DIS3L2: variants seen among roughly 807,000 people sequenced by gnomAD.
DIS3L2 encodes the protein DIS3-like exonuclease 2.
A neutral mutation model predicts 97.5 loss-of-function variants in DIS3L2; 34 were observed. The ratio of observed to expected loss-of-function variants is 0.35; its 90% CI spans 0.27 to 0.46. DIS3L2 has a LOEUF of 0.46. Ranked by LOEUF, DIS3L2 falls within the 20% of genes least tolerant of loss-of-function variation. DIS3L2 has a pLI of 1.00. For missense variants in DIS3L2, 1,038 were observed against 1,146.0 expected (o/e 0.91, Z 1.36); for synonymous variants, 435 against 445.2 (o/e 0.98, Z 0.29).
At chr2:232,015,099 G>A (rs937323761) in intron 2 of DIS3L2, 120 bp downstream of exon 2, 1 of 923,512 alleles carries the variant, frequency 1.1e-6, no homozygotes, top group African/African-American at 1.7e-5. Flanking sequence ...TTAGTGACCT[G>A]TTAAGTATTC....
intron 5 of DIS3L2, among the ~76,000 whole-genome samples, chr2:232,040,355 T>C (rs997465881): frequency 6.6e-6 from 1 of 152,120 alleles, no homozygotes; most frequent in African/African-American, 2.4e-5. Context: ...GGCTCCTAAC[T>C]CTTCTGAGGA....
chr2:232,209,805 AT>A (rs552320538), intron 9 of DIS3L2, among the ~76,000 whole-genome samples: 74 of 152,326 alleles, frequency 4.9e-4, no homozygotes, highest in Non-Finnish European at 9.3e-4. Flanking sequence ...TGTACTTGGT[AT>A]GAGCTTGGTT....
At chr2:232,287,624 C>G (rs1309263361) in intron 13 of DIS3L2, among the ~76,000 whole-genome samples, 2 of 152,004 alleles carry the variant, frequency 1.3e-5, no homozygotes, top group African/African-American at 2.4e-5. Context: ...AACTCATAGC[C>G]TCCAGCAGTC....
chr2:232,058,901 TG>T (rs1175953202), intron 5 of DIS3L2, among the ~76,000 whole-genome samples: 1 of 152,244 alleles, frequency 6.6e-6, no homozygotes, highest in Non-Finnish European at 1.5e-5. Flanking sequence ...TAAACATGTT[TG>T]ATTCATAAAG....
intron 1 of DIS3L2, among the ~76,000 whole-genome samples, chr2:231,976,793 A>C (rs1021944321): frequency 1.5e-5 from 2 of 137,866 alleles, no homozygotes; most frequent in African/African-American, 5.6e-5. Context: ...TTTGAGACAG[A>C]GTCTCGCTCT....
At chr2:232,001,910 A>G (rs11693017) in intron 1 of DIS3L2, among the ~76,000 whole-genome samples, 2,404 of 151,786 alleles carry the variant, frequency 0.016, 28 homozygotes, top group African/African-American at 0.018. Context: ...AGTAGACAAC[A>G]GGGTTTCACC....
At chr2:232,069,023 G>C (rs1000313135) in intron 5 of DIS3L2, among the ~76,000 whole-genome samples, 1 of 151,846 alleles carries the variant, frequency 6.6e-6, no homozygotes, top group African/African-American at 2.4e-5. Context: ...CACCATATTG[G>C]CCAGGCTAGT....
At chr2:232,143,340 A>G (rs1213168584) in intron 8 of DIS3L2, among the ~76,000 whole-genome samples, 2 of 152,136 alleles carry the variant, frequency 1.3e-5, no homozygotes, top group Non-Finnish European at 2.9e-5. Flanking sequence ...GATTAATTTT[A>G]CAGTAGGACT....
In DIS3L2 at chr2:232,315,229, G is replaced by A. The variant is rs144712071; in HGVS notation, c.1740-14584G>A. Reference sequence around the variant, plus strand: ...CAGCCCTCCCCACCCCCATACCGGTGTGCTGGCCCAGACCCAGGGCATATT... The same window carrying A: ...CAGCCCTCCCCACCCCCATACCGGTATGCTGGCCCAGACCCAGGGCATATT... On this transcript the variant is annotated intron_variant, in intron 14 of 20. Transcript: ENST00000325385. 8.5e-3 allele frequency among the ~76,000 whole-genome samples: 1,292 copies of A among 152,288 alleles called. 26 individuals carry two copies. The highest frequency in any genetic ancestry group is 0.03 in the African/African-American group (1,245 of 41,556).
rs774192220 is a variant in DIS3L2, at chr2:232,329,842, A to G, written c.1769A>G (p.Asn590Ser). The G allele has an allele frequency of 1.5e-6, 2 of 1,354,740 alleles. No homozygotes were observed. The highest frequency in any genetic ancestry group is 2.0e-6 in the Non-Finnish European group (2 of 1,019,420). 83.9% of individuals were successfully genotyped at this position (1,354,740 alleles called of 1,614,324 possible). The change falls in exon 15 of 21, where the codon AAC (asparagine) becomes AGC (serine). Residue 590 changes from asparagine (N) to serine (S), a missense_variant. Asn to Ser is a conservative substitution (Grantham distance 46). Coordinates refer to ENST00000325385, the MANE Select transcript of DIS3L2 (RefSeq NM_152383.5). ...KLVEEFMLLA[N>S]MAVAHKIHRA... Reference sequence around the variant, plus strand: ...GTGGAGGAGTTCATGCTCTTGGCCAACATGGCAGTGGCCCACAAGATCCAC... The same window carrying G: ...GTGGAGGAGTTCATGCTCTTGGCCAGCATGGCAGTGGCCCACAAGATCCAC...
chr2:232,341,269 C>A (rs1016220397), downstream of DIS3L2, among the ~76,000 whole-genome samples: 43 of 152,228 alleles, frequency 2.8e-4, 1 homozygote, highest in Admixed American at 9.2e-4. Flanking sequence ...GGGAGCAGCT[C>A]AGCCCCAGGT....
intron 5 of DIS3L2, among the ~76,000 whole-genome samples, chr2:232,054,671 T>C (rs890152647): frequency 6.6e-6 from 1 of 152,208 alleles, no homozygotes; most frequent in Non-Finnish European, 1.5e-5. Context: ...CAAATGGCTT[T>C]ACAAGTGAAT....
chr2:232,006,673 T>A (rs1044461661), intron 1 of DIS3L2, among the ~76,000 whole-genome samples: 1 of 151,822 alleles, frequency 6.6e-6, no homozygotes, highest in African/African-American at 2.4e-5. Flanking sequence ...AGAAGTGAGA[T>A]GAGGTATAAG....
chr2:232,009,184 A>G (rs1052793448), intron 1 of DIS3L2, among the ~76,000 whole-genome samples: 1 of 152,118 alleles, frequency 6.6e-6, no homozygotes, highest in Non-Finnish European at 1.5e-5. Context: ...TTGAAGTCCT[A>G]TTGTCTAACT....
chr2:232,091,951 C>T (rs756024410), intron 6 of DIS3L2, among the ~76,000 whole-genome samples: 5 of 152,066 alleles, frequency 3.3e-5, no homozygotes, highest in Admixed American at 6.5e-5. Context: ...CTGTCTTCCT[C>T]GCTCAAGAAG....
chr2:232,229,665 C>T (rs1450370579), intron 10 of DIS3L2, among the ~76,000 whole-genome samples: 2 of 152,204 alleles, frequency 1.3e-5, no homozygotes, highest in East Asian at 1.9e-4. Flanking sequence ...ACATGCTGTT[C>T]ATATAAATTT....
intron 4 of DIS3L2, among the ~76,000 whole-genome samples, chr2:232,026,757 C>A (rs1025447218): frequency 1.3e-5 from 2 of 152,064 alleles, no homozygotes; most frequent in African/African-American, 2.4e-5. Flanking sequence ...CATGGTGTAA[C>A]CTGGCTTGTT....
chr2:232,222,011 C>T (rs1054618824), intron 10 of DIS3L2, among the ~76,000 whole-genome samples: 3 of 149,268 alleles, frequency 2.0e-5, no homozygotes, highest in Non-Finnish European at 3.0e-5. Flanking sequence ...GGTGTGATCT[C>T]GGCTCACTGC....
intron 9 of DIS3L2, among the ~76,000 whole-genome samples, chr2:232,195,588 T>G (rs1691731478): frequency 6.7e-6 from 1 of 149,732 alleles, no homozygotes; most frequent in Non-Finnish European, 1.5e-5. Context: ...TGGGTGGGGG[T>G]GCCACAAGAC....
Sources: gnomAD v4.1 joint callset for allele counts (sites outside exome capture counted in the v4.1 genomes callset) on GRCh38, gnomAD v4.1.1 for gene constraint, MANE v1.5 for transcripts, NCBI Gene and HGNC (gene_info 2026-07-23, HGNC 2026-07-21) for gene names.